Variants in CC2D1A observed in about 807,000 individuals in gnomAD.
CC2D1A encodes the protein coiled-coil and C2 domain-containing protein 1A.
In CC2D1A, 68 loss-of-function variants were observed where a neutral mutation model predicts 123.8. The ratio of observed to expected loss-of-function variants is 0.55; its 90% CI spans 0.45 to 0.67. The LOEUF is 0.67. Among genes scored for constraint, CC2D1A ranks in the 30% least tolerant of loss-of-function variants. CC2D1A has a pLI of 0.00. For missense variants in CC2D1A, 1,185 were observed against 1,290.3 expected, an observed-to-expected ratio of 0.92 and a Z score of 1.25; for synonymous variants, 477 against 528.0, an observed-to-expected ratio of 0.90 and a Z score of 1.32.
chr19:13,922,224 A>G (rs184062364), intron 14 of CC2D1A, among the ~76,000 whole-genome samples: 3 of 151,412 alleles, frequency 2.0e-5, no homozygotes, highest in Admixed American at 2.0e-4. Flanking sequence ...CTGGGCTTGA[A>G]CTCCTGACCT....
At chr19:13,913,092 C>A in intron 4 of CC2D1A, 76 bp from the exon 5 acceptor site, 1 of 1,434,104 alleles carries the variant, frequency 7.0e-7, no homozygotes, top group Non-Finnish European at 9.3e-7. Flanking sequence ...ATGGGGCCGA[C>A]TGTTACTGCA....
chr19:13,920,587 C>T lies in CC2D1A; in HGVS notation c.1387C>T (p.Pro463Ser), dbSNP rs771432946. The change falls in exon 13 of 29, where the codon CCC becomes TCC. Residue 463 changes from proline (P) to serine (S), a missense_variant. Coordinates refer to ENST00000318003, the MANE Select transcript of CC2D1A (RefSeq NM_017721.5). The stretch of plus-strand genomic sequence containing the variant: ...CAGCCCTGTGGCCCCCACAGCCCAG[C>T]CCAAAGCCCCACCCTCAAGAACTCC... ...QNSPVAPTAQ[P>S]KAPPSRTPQS... 1 of 1,608,612 alleles carries T rather than the reference C, an allele frequency of 6.2e-7. No homozygotes were observed. The highest frequency in any genetic ancestry group is 8.5e-7 in the Non-Finnish European group (1 of 1,176,748).
Position 13,906,797 on chromosome 19 carries a change from A to C in CC2D1A, c.60+296A>C, listed in dbSNP as rs1021115108. ...ACCCTTGCATCAGTCGGGCCATGTC[A>C]GACTCTTTTTATTCCATTGTACAGA... On this transcript the variant is annotated intron_variant, in intron 1 of 28. Coordinates refer to ENST00000318003, the MANE Select transcript of CC2D1A (RefSeq NM_017721.5). This position sits in a 1 kb window ranked among gnomAD's most constrained non-coding sequence, Gnocchi z 4.1. Among the ~76,000 whole-genome samples the C allele has an allele frequency of 2.6e-5, 4 of 152,238 alleles. No individual in the cohort carries two copies. Among genetic ancestry groups the C allele is most frequent in the African/African-American group, 9.6e-5 (4 of 41,460 alleles).
chr19:13,906,524 G>T lies in CC2D1A; in HGVS notation c.60+23G>T. On this transcript the variant is annotated intron_variant, in intron 1 of 28. Transcript: ENST00000318003. This position sits in a 1 kb window ranked among gnomAD's most constrained non-coding sequence, Gnocchi z 4.1. ...CAGGTGAGTTTGCGCCCCACGGCCCGACCTGGGGATCCCTCCCCACCCCCG... is the reference window on the plus strand; with the variant it reads ...CAGGTGAGTTTGCGCCCCACGGCCCTACCTGGGGATCCCTCCCCACCCCCG... 3 of 1,459,448 alleles carry T rather than the reference G, an allele frequency of 2.1e-6. No individual in the cohort carries two copies. In the South Asian group the frequency reaches 3.9e-5, roughly 19 times the overall value. 90.4% of individuals were successfully genotyped at this position (1,459,448 alleles called of 1,614,324 possible). A position where few individuals can be genotyped will look rare whatever the true frequency, so the allele number is the denominator to read the frequency against.
At chr19:13,920,385 A>G in intron 12 of CC2D1A, 172 bp from the exon 13 acceptor site, 1 of 602,884 alleles carries the variant, frequency 1.7e-6, no homozygotes, top group Non-Finnish European at 2.9e-6. Flanking sequence ...AAAAAAGAAA[A>G]AAAAAAAAAA....
Position 13,906,921 on chromosome 19 carries a change from A to G in CC2D1A, c.60+420A>G, listed in dbSNP as rs1420730572. 6.6e-6 allele frequency among the ~76,000 whole-genome samples: 1 copy of G among 152,200 alleles called. No homozygotes were observed. Among genetic ancestry groups the G allele is most frequent in the East Asian group, 1.9e-4 (1 of 5,190 alleles). On this transcript the variant is annotated intron_variant, in intron 1 of 28. Transcript: ENST00000318003. This position sits in a 1 kb window ranked among gnomAD's most constrained non-coding sequence, Gnocchi z 4.1. Reference sequence around the variant, plus strand: ...AGCACAAATCCAGGGCTGCAGCCATAAGCTTATGGCACTGTGGCTGGACCC... The same window carrying G: ...AGCACAAATCCAGGGCTGCAGCCATGAGCTTATGGCACTGTGGCTGGACCC...
chr19:13,908,802 G>A (rs965084667), intron 1 of CC2D1A, among the ~76,000 whole-genome samples: 2 of 152,190 alleles, frequency 1.3e-5, no homozygotes, highest in African/African-American at 4.8e-5. Flanking sequence ...AGTGTACAGA[G>A]TAGCTTTGCT....
intron 17 of CC2D1A, among the ~76,000 whole-genome samples, chr19:13,925,990 A>AGG (rs1971601232): frequency 1.1e-5 from 1 of 94,272 alleles, no homozygotes; most frequent in African/African-American, 6.0e-5. Context: ...ATATATATAC[A>AGG]TATATGTGTG....
At position 13,918,109 on chromosome 19, in the gene CC2D1A, G is replaced by T. The variant is rs1039025699; in HGVS notation, c.788G>T (p.Arg263Leu). 1.9e-6 allele frequency: 3 copies of T among 1,612,346 alleles called. No homozygotes were observed. The highest frequency in any genetic ancestry group is 1.7e-5 in the Admixed American group (1 of 59,928). Residue 263 changes from arginine to leucine, a missense_variant, in exon 7 of 29, where the codon CGC becomes CTC. Arg to Leu is a moderately radical substitution (Grantham distance 102). Coordinates refer to ENST00000318003, the MANE Select transcript of CC2D1A (RefSeq NM_017721.5). ...GGCCCTCTGGCCCAGTTGCAGAGCCGCCAGCGCGACTACAAGCTGGCTGCC... is the reference window on the plus strand; with the variant it reads ...GGCCCTCTGGCCCAGTTGCAGAGCCTCCAGCGCGACTACAAGCTGGCTGCC... ...SPGPLAQLQS[R>L]QRDYKLAALH... is the part of the protein sequence containing the mutation.
intron 2 of CC2D1A, among the ~76,000 whole-genome samples, chr19:13,911,147 G>C (rs1488917936): frequency 6.7e-6 from 1 of 149,326 alleles, no homozygotes; most frequent in Non-Finnish European, 1.5e-5. Flanking sequence ...GATCACTTGA[G>C]GCCAAGAGTT....
At position 13,927,144 on chromosome 19, in the gene CC2D1A, T is replaced by A. The variant is rs535749678; in HGVS notation, c.2226-31T>A. ...GAGGGGAGCTCCTCTGAACCAACCA[T>A]CCTGTCCCCACTATACACACATGCA... On this transcript the variant is annotated intron_variant, in intron 21 of 28. Coordinates refer to ENST00000318003, the MANE Select transcript of CC2D1A (RefSeq NM_017721.5). 1.5e-5 allele frequency: 24 copies of A among 1,611,608 alleles called. 2 individuals carry two copies. The South Asian group carries it at 2.5e-4, about 17-fold the overall frequency.
chr19:13,913,871 A>G (rs1159429257), intron 6 of CC2D1A, among the ~76,000 whole-genome samples: 2 of 152,158 alleles, frequency 1.3e-5, no homozygotes, highest in African/African-American at 2.4e-5. Context: ...CACATTTGCC[A>G]TTAAAAATTA....
chr19:13,920,046 A>G (rs1971355178), intron 12 of CC2D1A, 95 bp downstream of exon 12: 4 of 1,321,624 alleles, frequency 3.0e-6, no homozygotes. Context: ...CAGGAGTTTG[A>G]GACCATCCTG....
chr19:13,927,978 C>G lies in CC2D1A; in HGVS notation c.2402C>G (p.Thr801Arg), dbSNP rs2305777. The G allele has an allele frequency of 6.2e-7, 1 of 1,613,452 alleles. No homozygotes were observed. Among genetic ancestry groups the G allele is most frequent in the South Asian group, 1.1e-5 (1 of 91,066 alleles). ...CCACTGACAGCCCAGCAGTTGGAGA[C>G]GACGACAGAGAGGTGGCTGGTCATT... Reference protein sequence around the residue: ...REPLTAQQLETTTERWLVIDP... With the variant: ...REPLTAQQLERTTERWLVIDP... The change falls in exon 23 of 29, where the codon ACG becomes AGG. Residue 801 changes from threonine (T) to arginine (R), a missense_variant. Transcript: ENST00000318003.
chr19:13,920,621 G>A lies in CC2D1A; in HGVS notation c.1421G>A (p.Gly474Glu), dbSNP rs753953933. The change falls in exon 13 of 29, where the codon GGA (glycine) becomes GAA (glutamate). Residue 474 changes from glycine to glutamate, a missense_variant. By Grantham distance (98) the Gly-to-Glu change is moderately conservative. Transcript: ENST00000318003. ...KAPPSRTPQS[G>E]SAPTAKAPPK... ...CCACCCTCAAGAACTCCCCAGTCGG[G>A]ATCAGCCCCAACAGCCAAAGCGCCC... 2 of 1,611,222 alleles carry A rather than the reference G, an allele frequency of 1.2e-6. No homozygotes were observed. The highest frequency in any genetic ancestry group is 1.7e-6 in the Non-Finnish European group (2 of 1,178,866).
rs372275049 is a variant in CC2D1A at position 13,923,446 on chromosome 19, G to C, written c.1755G>C (p.Gln585His). The change falls in exon 15 of 29, where the codon CAG becomes CAC. Residue 585 changes from glutamine (Q) to histidine (H), a missense_variant. Transcript: ENST00000318003. The surrounding 1 kb of genome is among the most constrained non-coding windows in gnomAD (Gnocchi z 5.3). The stretch of plus-strand genomic sequence containing the variant: ...GTGAACTCACCAAGCTCATACGGCA[G>C]CAGCACGAGGTGAGGGGGAGGCCCC... ...RYGELTKLIR[Q>H]QHEMCLNHSN... The C allele has an allele frequency of 1.9e-6, 3 of 1,614,098 alleles. No individual in the cohort carries two copies. Among genetic ancestry groups the C allele is most frequent in the Non-Finnish European group, 2.5e-6 (3 of 1,180,026 alleles).
Position 13,918,062 on chromosome 19 carries a change from C to T in CC2D1A, c.749-8C>T. 6.2e-7 allele frequency: 1 copy of T among 1,613,014 alleles called. No homozygotes were observed. Among genetic ancestry groups the T allele is most frequent in the Non-Finnish European group, 8.5e-7 (1 of 1,179,874 alleles). ...TGGAGGCTTCCTGTATGTTGTTCTC[C>T]CTTCCAGGTCCCTGCAGCCCTGGCC... On this transcript the variant is annotated splice_region_variant and splice_polypyrimidine_tract_variant and intron_variant, in intron 6 of 28. Coordinates refer to ENST00000318003, the MANE Select transcript of CC2D1A (RefSeq NM_017721.5).
chr19:13,918,533 C>G lies in CC2D1A; in HGVS notation c.903C>G (p.Ser301Arg), dbSNP rs1169801358. 1.9e-6 allele frequency: 3 copies of G among 1,613,726 alleles called. No homozygotes were observed. In the African/African-American group the frequency reaches 4.0e-5, roughly 22 times the overall value. Residue 301 changes from serine (S) to arginine (R), a missense_variant, in exon 8 of 29, where the codon AGC (serine) becomes AGG (arginine). Physicochemically the swap from Ser to Arg is moderately radical, Grantham distance 110. Coordinates refer to ENST00000318003, the MANE Select transcript of CC2D1A (RefSeq NM_017721.5). ...KSFDAVLEAL[S>R]RGEPVDLSCL... ...TTGATGCTGTCTTGGAGGCCCTGAG[C>G]CGGGGTGAGCCCGTGGACCTCTCCT...
chr19:13,930,820 C>G lies in CC2D1A; in HGVS notation c.*425C>G, dbSNP rs1178468237. The stretch of plus-strand genomic sequence containing the variant: ...CACACTGTCTCCCCAGGGGCGTCGA[C>G]CTGGCCCAGCTGGGTCCCCAGGGCC... On this transcript the variant is annotated 3_prime_UTR_variant, in exon 29 of 29. Transcript: ENST00000318003. This position sits in a 1 kb window ranked among gnomAD's most constrained non-coding sequence, Gnocchi z 6.8. 1 of 216,308 alleles carries G rather than the reference C, an allele frequency of 4.6e-6. No homozygotes were observed. The highest frequency in any genetic ancestry group is 2.3e-5 in the African/African-American group (1 of 43,342). 13.4% of individuals were successfully genotyped at this position (216,308 alleles called of 1,614,324 possible). A position where few individuals can be genotyped will look rare whatever the true frequency, so the allele number is the denominator to read the frequency against.
Sources: gnomAD v4.1 joint callset for allele counts (sites outside exome capture counted in the v4.1 genomes callset) on GRCh38, gnomAD v4.1.1 for gene constraint, Gnocchi (gnomAD v3.1) non-coding constraint, MANE v1.5 for transcripts, NCBI Gene and HGNC (gene_info 2026-07-23, HGNC 2026-07-21) for gene names.